SYT16: variants seen among roughly 807,000 people sequenced by gnomAD.
The protein encoded by SYT16 is synaptotagmin-16.
SYT16 carries 42 observed loss-of-function variants against 61.4 expected under a neutral mutation model. That is an observed-to-expected ratio of 0.68 (90% CI 0.53 to 0.89). The LOEUF (loss-of-function observed/expected upper bound fraction) is 0.89. Ranked by LOEUF, SYT16 falls within the 40% of genes least tolerant of loss-of-function variation. The probability of loss-of-function intolerance (pLI) is 0.00; values close to 1 mark genes in which losing one functional copy is unlikely to be tolerated. For missense variants in SYT16, 804 were observed against 807.3 expected (o/e 1.00, Z 0.05); for synonymous variants, 314 against 302.3 (o/e 1.04, Z -0.40).
chr14:61,883,852 G>T (rs1278160363), intron 1 of SYT16, among the ~76,000 whole-genome samples: 1 of 152,158 alleles, frequency 6.6e-6, no homozygotes, highest in Non-Finnish European at 1.5e-5. Context: ...CGGAAAGCAG[G>T]CACCTTCTTC....
chr14:61,972,453 A>G (rs1341637247), intron 2 of SYT16, among the ~76,000 whole-genome samples: 2 of 152,238 alleles, frequency 1.3e-5, no homozygotes, highest in East Asian at 3.8e-4. Flanking sequence ...TCACTCAGGA[A>G]ACACTGAAAA....
chr14:61,817,011 ACACACACACACACAC>A (rs2045458332), intron 1 of SYT16, among the ~76,000 whole-genome samples: 16 of 134,518 alleles, frequency 1.2e-4, no homozygotes, highest in African/African-American at 2.5e-4. Context: ...GCTCCGTCAC[ACACACACACACACAC>A]ACAAAAAAAG....
At chr14:62,099,973 C>A (rs2057379266) in intron 7 of SYT16, among the ~76,000 whole-genome samples, 1 of 152,114 alleles carries the variant, frequency 6.6e-6, no homozygotes, top group African/African-American at 2.4e-5. Flanking sequence ...GAAAAGAATT[C>A]TCCAATTCAG....
intron 1 of SYT16, among the ~76,000 whole-genome samples, chr14:61,867,934 TTAAC>T (rs1029959215): frequency 2.0e-5 from 3 of 152,116 alleles, no homozygotes; most frequent in African/African-American, 7.2e-5. Context: ...ATGGTTTTCT[TTAAC>T]TAGTCTGTTA....
At chr14:61,966,040 A>G (rs2051302364) in intron 1 of SYT16, among the ~76,000 whole-genome samples, 1 of 151,318 alleles carries the variant, frequency 6.6e-6, no homozygotes, top group African/African-American at 2.4e-5. Context: ...CTAAAAGGTA[A>G]TGGAGCAATG....
At chr14:62,018,103 C>T (rs149121546) in intron 3 of SYT16, among the ~76,000 whole-genome samples, 308 of 152,124 alleles carry the variant, frequency 2.0e-3, no homozygotes, top group African/African-American at 6.5e-3. Flanking sequence ...TTTAAACTTA[C>T]GTCAAAGCAT....
rs189918582 is a variant in SYT16 at position 61,992,788 on chromosome 14, G to C, written c.-144-3088G>C. The stretch of plus-strand genomic sequence containing the variant: ...TGAAGCGAGTGGATTGTAAACAACA[G>C]GGAGAGGTGAAGATTATATAGAGTT... On this transcript the variant is annotated intron_variant, in intron 2 of 7. Transcript: ENST00000683842. 7.4e-4 allele frequency among the ~76,000 whole-genome samples: 112 copies of C among 152,176 alleles called. 1 individual carries two copies. Among genetic ancestry groups the C allele is most frequent in the Middle Eastern group, 3.4e-3 (1 of 294 alleles).
At chr14:61,818,697 A>G (rs2045523332) in intron 1 of SYT16, among the ~76,000 whole-genome samples, 1 of 150,546 alleles carries the variant, frequency 6.6e-6, no homozygotes, top group Non-Finnish European at 1.5e-5. Context: ...AAAAAAAAAC[A>G]GCATTTAGAT....
intron 3 of SYT16, among the ~76,000 whole-genome samples, chr14:62,025,904 CTCTAATTACATTTT>C (rs1461384427): frequency 5.3e-5 from 8 of 150,946 alleles, no homozygotes; most frequent in African/African-American, 2.0e-4. Context: ...TAAAATATTT[CTCTAATTACATTTT>C]TCTATTGGAT....
intron 2 of SYT16, among the ~76,000 whole-genome samples, chr14:61,991,673 A>T (rs2052554685): frequency 6.6e-6 from 1 of 152,126 alleles, no homozygotes; most frequent in Non-Finnish European, 1.5e-5. Flanking sequence ...CTTTTATATA[A>T]AGACTGAGAT....
Position 61,832,283 on chromosome 14 carries a change from C to A in SYT16, c.-325+19473C>A, listed in dbSNP as rs1488385933. 5 of 596,818 alleles carry A rather than the reference C, an allele frequency of 8.4e-6. No homozygotes were observed. In the Admixed American group the frequency reaches 9.4e-5, roughly 11 times the overall value. The allele number at this position is 596,818 out of a possible 1,614,324, so 37.0% of individuals were successfully genotyped here. On this transcript the variant is annotated intron_variant, in intron 1 of 7. Coordinates refer to ENST00000683842, the MANE Select transcript of SYT16 (RefSeq NM_001367656.1). ...AAGCTGGGAGCGCATAGTCATCGCT[C>A]TTCACAACATTTCCGTGTGCTCGTA...
intron 7 of SYT16, among the ~76,000 whole-genome samples, chr14:62,099,130 A>G (rs145843974): frequency 7.6e-4 from 116 of 152,328 alleles, no homozygotes; most frequent in African/African-American, 2.6e-3. Flanking sequence ...TTGAGCTCTC[A>G]TCTTGAGACT....
At chr14:61,924,756 A>G (rs1173387918) in intron 1 of SYT16, among the ~76,000 whole-genome samples, 2 of 152,228 alleles carry the variant, frequency 1.3e-5, no homozygotes, top group East Asian at 3.8e-4. Context: ...AGTACCTAAT[A>G]CAAATAGTGT....
At chr14:61,895,298 C>T (rs1368399640) in intron 1 of SYT16, among the ~76,000 whole-genome samples, 1 of 152,198 alleles carries the variant, frequency 6.6e-6, no homozygotes, top group Non-Finnish European at 1.5e-5. Context: ...CTGAATCCCT[C>T]TGGCTTCCAA....
intron 2 of SYT16, among the ~76,000 whole-genome samples, chr14:61,993,059 C>A (rs1566745064): frequency 1.3e-5 from 2 of 151,220 alleles, no homozygotes; most frequent in Non-Finnish European, 2.9e-5. Flanking sequence ...ATTATAGAAA[C>A]CAAGGGGATA....
intron 3 of SYT16, among the ~76,000 whole-genome samples, chr14:62,064,352 A>AAAAAAAAAAAAAAAT (rs2055965276): frequency 6.6e-6 from 1 of 150,618 alleles, no homozygotes; most frequent in African/African-American, 2.4e-5. Context: ...AAAAAAAAAA[A>AAAAAAAAAAAAAAAT]AAAAAAGAAA....
intron 4 of SYT16, among the ~76,000 whole-genome samples, chr14:62,074,128 AG>A (rs1471296329): frequency 1.3e-5 from 2 of 152,156 alleles, no homozygotes; most frequent in African/African-American, 4.8e-5. Flanking sequence ...TGGGTGTGGG[AG>A]GCAAATAGTG....
rs1429741300 is a variant in SYT16 at position 61,864,882 on chromosome 14, T to C, written c.-325+52072T>C. On this transcript the variant is annotated intron_variant, in intron 1 of 7. Transcript: ENST00000683842. ...TCCCAGCCACCCCCGGCGGAGACAG[T>C]GACCAACTGCGCGGATGGCGGGATG... 1.1e-5 allele frequency: 13 copies of C among 1,225,692 alleles called. 1 individual carries two copies. The Admixed American group carries it at 2.3e-4, about 22-fold the overall frequency. The allele number at this position is 1,225,692 out of a possible 1,614,324, so 75.9% of individuals were successfully genotyped here. A position where few individuals can be genotyped will look rare whatever the true frequency, so the allele number is the denominator to read the frequency against.
At chr14:61,951,044 CT>C (rs2050652140) in intron 1 of SYT16, among the ~76,000 whole-genome samples, 1 of 152,132 alleles carries the variant, frequency 6.6e-6, no homozygotes, top group African/African-American at 2.4e-5. Context: ...GTGATCTGAG[CT>C]TTAAAAAGGG....
Sources: allele counts gnomAD v4.1 joint callset (sites outside exome capture counted in the v4.1 genomes callset), GRCh38; gene constraint gnomAD v4.1.1; transcripts MANE v1.5; gene names NCBI Gene and HGNC (gene_info 2026-07-23, HGNC 2026-07-21).